MALL: variants seen among roughly 807,000 people sequenced by gnomAD.
MALL encodes the protein mal, T cell differentiation protein like.
Under a neutral mutation model 10.3 loss-of-function variants are expected in MALL, and 2 were observed. The ratio of observed to expected loss-of-function variants is 0.19; its 90% confidence interval spans 0.08 to 0.61. The LOEUF (loss-of-function observed/expected upper bound fraction) is 0.61. Among genes scored for constraint, MALL ranks in the 20% least tolerant of loss-of-function variants. The pLI, the probability that MALL is intolerant of heterozygous loss-of-function variation, is 0.88. For synonymous variants in MALL, 27 were observed against 51.8 expected (o/e 0.52, Z 2.05); for missense variants, 39 against 115.2 (o/e 0.34, Z 3.03).
intron 1 of MALL, among the ~76,000 whole-genome samples, chr2:110,109,798 C>T (rs899047591): frequency 1.3e-5 from 2 of 152,096 alleles, no homozygotes; most frequent in Non-Finnish European, 2.9e-5. Context: ...GGAACTTTCT[C>T]TAAGATAGAC....
upstream of MALL, chr2:110,116,090 T>G: frequency 3.4e-6 from 1 of 297,986 alleles, no homozygotes; most frequent in Non-Finnish European, 6.2e-6. Flanking sequence ...GAGCATGTTA[T>G]TCCAGGGGAT....
chr2:110,112,980 G>A (rs982331305), intron 1 of MALL, among the ~76,000 whole-genome samples: 7 of 151,554 alleles, frequency 4.6e-5, no homozygotes, highest in East Asian at 3.9e-4. Flanking sequence ...GGATGAGCTC[G>A]GAGACTATGA....
intron 1 of MALL, among the ~76,000 whole-genome samples, chr2:110,095,404 A>T (rs1357704163): frequency 6.6e-6 from 1 of 152,164 alleles, no homozygotes. Flanking sequence ...TTTTCTTATA[A>T]GCAAACACAC....
upstream of MALL, among the ~76,000 whole-genome samples, chr2:110,117,769 A>T (rs931443045): frequency 2.0e-5 from 3 of 151,980 alleles, no homozygotes; most frequent in Non-Finnish European, 4.4e-5. Context: ...TGCTACTTCC[A>T]TTGCCACCAC....
chr2:110,097,438 G>A (rs1156966181), intron 1 of MALL: 19 of 455,964 alleles, frequency 4.2e-5, no homozygotes, highest in South Asian at 1.7e-4. Flanking sequence ...GGAGTCTCAC[G>A]GAGAATTCTG....
chr2:110,097,416 C>T (rs1460337374), intron 1 of MALL: 11 of 451,012 alleles, frequency 2.4e-5, no homozygotes, highest in South Asian at 3.2e-5. Flanking sequence ...AAAAGAAAGT[C>T]GCGTGGGCAC....
chr2:110,101,061 C>T (rs528152650), intron 1 of MALL, among the ~76,000 whole-genome samples: 16 of 152,248 alleles, frequency 1.1e-4, no homozygotes, highest in South Asian at 2.1e-4. Flanking sequence ...CTGTGGGTGG[C>T]TCAGAGACCC....
chr2:110,104,366 G>A (rs747483747), intron 1 of MALL, among the ~76,000 whole-genome samples: 2 of 152,118 alleles, frequency 1.3e-5, no homozygotes, highest in East Asian at 1.9e-4. Flanking sequence ...CTACTGGACC[G>A]TGACAGGCAC....
intron 1 of MALL, among the ~76,000 whole-genome samples, chr2:110,109,262 C>T (rs1345590786): frequency 3.9e-5 from 6 of 152,052 alleles, no homozygotes; most frequent in Non-Finnish European, 8.8e-5. Flanking sequence ...CACAAAACCA[C>T]AGAATGGATA....
At chr2:110,113,641 A>G (rs1678852460) in intron 1 of MALL, among the ~76,000 whole-genome samples, 1 of 152,084 alleles carries the variant, frequency 6.6e-6, no homozygotes, top group Non-Finnish European at 1.5e-5. Context: ...CAGAAGTGTC[A>G]AGATAAGGAC....
intron 1 of MALL, among the ~76,000 whole-genome samples, chr2:110,105,049 C>G (rs1413442438): frequency 6.6e-6 from 1 of 152,208 alleles, no homozygotes; most frequent in Non-Finnish European, 1.5e-5. Context: ...ACATTCAAAC[C>G]CCACAGCTGT....
In MALL at chr2:110,108,493, G is replaced by GA. The variant is rs367925428; in HGVS notation, c.105+7194dup. ...ATTAACCCAATCCAACAAAGACAAA[G>GA]AAAAAAAAAAAGAAAATATGAGCAA... On this transcript the variant is annotated intron_variant, in intron 1 of 3. Coordinates refer to ENST00000272462, the MANE Select transcript of MALL (RefSeq NM_005434.5). 1.3e-3 allele frequency among the ~76,000 whole-genome samples: 175 copies of GA among 139,770 alleles called. 1 individual carries two copies. The highest frequency in any genetic ancestry group is 3.7e-3 in the Middle Eastern group (1 of 268). The allele number at this position is 139,770 out of a possible 152,430, so 91.7% of individuals were successfully genotyped here.
chr2:110,105,296 C>T (rs977576126), intron 1 of MALL, among the ~76,000 whole-genome samples: 1 of 152,212 alleles, frequency 6.6e-6, no homozygotes, highest in African/African-American at 2.4e-5. Context: ...GGGAGGTTCA[C>T]ATCCAACTCC....
intron 1 of MALL, among the ~76,000 whole-genome samples, chr2:110,104,748 G>A (rs922778235): frequency 6.6e-6 from 1 of 152,136 alleles, no homozygotes; most frequent in Admixed American, 6.5e-5. Context: ...CCTGTCTCCT[G>A]TCCTGGAGTG....
chr2:110,092,487 T>C (rs2104378060), intron 1 of MALL, among the ~76,000 whole-genome samples: 1 of 55,494 alleles, frequency 1.8e-5, no homozygotes, highest in Non-Finnish European at 4.7e-5. Context: ...GCCATAAACA[T>C]TGCAAATATA....
At position 110,115,544 on chromosome 2, in the gene MALL, C is replaced by A. The variant is rs73954607; in HGVS notation, c.105+144G>T. ...GGGTCCGAGGCCGGTCTCCCCCCCC[C>A]TCTCTGCAGGTGGCCCCTGTGCTTG... On this transcript the variant is annotated intron_variant, in intron 1 of 3. Coordinates refer to ENST00000272462, the MANE Select transcript of MALL (RefSeq NM_005434.5). The A allele has an allele frequency of 2.1e-5, 9 of 429,036 alleles. No homozygotes were observed. In the South Asian group the frequency reaches 4.4e-4, roughly 21 times the overall value. 26.6% of individuals were successfully genotyped at this position (429,036 alleles called of 1,614,324 possible). A position where few individuals can be genotyped will look rare whatever the true frequency, so the allele number is the denominator to read the frequency against.
intron 1 of MALL, among the ~76,000 whole-genome samples, chr2:110,114,732 A>G (rs749711062): frequency 9.2e-5 from 14 of 151,396 alleles, no homozygotes; most frequent in Non-Finnish European, 1.8e-4. Context: ...GAAGGGCTGA[A>G]AAGTAGATGC....
chr2:110,105,249 G>A (rs1163298575), intron 1 of MALL, among the ~76,000 whole-genome samples: 1 of 152,342 alleles, frequency 6.6e-6, no homozygotes, highest in African/African-American at 2.4e-5. Context: ...TAGGGGCTGG[G>A]CCTGGCCAAG....
intron 1 of MALL, among the ~76,000 whole-genome samples, chr2:110,107,389 G>A (rs962066819): frequency 1.2e-4 from 19 of 152,036 alleles, no homozygotes; most frequent in African/African-American, 3.9e-4. Context: ...TGGTTTGTGT[G>A]GGAGCTGGGT....
Sources: gnomAD v4.1 joint callset for allele counts (sites outside exome capture counted in the v4.1 genomes callset) on GRCh38, gnomAD v4.1.1 for gene constraint, MANE v1.5 for transcripts, NCBI Gene and HGNC (gene_info 2026-07-23, HGNC 2026-07-21) for gene names.